The following COL13A1 variants were observed in gnomAD, a reference collection of about 807,000 sequenced individuals.
COL13A1 encodes collagen type XIII alpha 1 chain, also known as collagen alpha-1(XIII) chain.
In COL13A1, 89 loss-of-function variants were observed where a neutral mutation model predicts 130.9. The ratio of observed to expected loss-of-function variants is 0.68; its 90% CI spans 0.57 to 0.81. The LOEUF (loss-of-function observed/expected upper bound fraction) is 0.81. Among genes scored for constraint, COL13A1 ranks in the 30% least tolerant of loss-of-function variants. COL13A1 has a pLI of 0.00. For synonymous variants in COL13A1, 402 were observed against 341.6 expected (o/e 1.18, Z -1.95); for missense variants, 879 against 934.6 (o/e 0.94, Z 0.78).
chr10:69,849,349 T>TG (rs1271870204), intron 2 of COL13A1, among the ~76,000 whole-genome samples: 4 of 142,656 alleles, frequency 2.8e-5, no homozygotes, highest in Non-Finnish European at 6.2e-5. Flanking sequence ...GGAGCGGGGG[T>TG]GGGGGGCGCT....
chr10:69,901,231 C>T (rs1466588289), intron 14 of COL13A1, among the ~76,000 whole-genome samples: 2 of 152,194 alleles, frequency 1.3e-5, no homozygotes. Flanking sequence ...GATTTCAACA[C>T]CTGCTCCTCT....
intron 2 of COL13A1, among the ~76,000 whole-genome samples, chr10:69,852,887 C>T (rs1855317786): frequency 6.6e-6 from 1 of 152,236 alleles, no homozygotes; most frequent in South Asian, 2.1e-4. Context: ...TGCGGCTTTC[C>T]CAGTGCCTTG....
rs60054259 is a variant in COL13A1 at position 69,904,905 on chromosome 10, CTTTTTTTT to C, written c.859-18_859-11del. On this transcript the variant is annotated intron_variant, in intron 15 of 40. Coordinates refer to ENST00000645393, the MANE Select transcript of COL13A1 (RefSeq NM_001368882.1). ...CAGCTCTACTCACCTTTTCTTTTTT[CTTTTTTTT>C]TTTTTTTTTGCTTCCACAGGGCTTA... is the stretch of plus-strand genomic sequence containing the variant. 5.4e-6 allele frequency: 8 copies of C among 1,474,940 alleles called. No individual in the cohort carries two copies. The highest frequency in any genetic ancestry group is 2.1e-4 in the Middle Eastern group (1 of 4,782). The allele number at this position is 1,474,940 out of a possible 1,614,324, so 91.4% of individuals were successfully genotyped here.
rs762280884 is a variant in COL13A1 at position 69,902,796 on chromosome 10, C to G, written c.799C>G (p.Pro267Ala). 61 of 1,553,092 alleles carry G rather than the reference C, an allele frequency of 3.9e-5. No homozygotes were observed. In the South Asian group the frequency reaches 7.2e-4, roughly 18 times the overall value. ...CCAAGGTCCACCAGGGCCCCCAGGC[C>G]CCCCTGGACCAAGTGGACCTCTGGG... is the stretch of plus-strand genomic sequence containing the variant. Reference protein sequence around the residue: ...SIQGPPGPPGPPGPSGPLGHP... With the variant: ...SIQGPPGPPGAPGPSGPLGHP... Residue 267 changes from proline (P) to alanine (A), a missense_variant, in exon 15 of 41, where the codon CCC (proline) becomes GCC (alanine). Physicochemically the swap from Pro to Ala is conservative, Grantham distance 27 (BLOSUM62 -1). Transcript: ENST00000645393.
At chr10:69,899,825 G>A (rs990670299) in intron 14 of COL13A1, among the ~76,000 whole-genome samples, 2 of 152,142 alleles carry the variant, frequency 1.3e-5, no homozygotes, top group Non-Finnish European at 2.9e-5. Flanking sequence ...GCACAGGGAC[G>A]CTAGCAGTGG....
At chr10:69,923,118 G>A (rs1035070589) in intron 23 of COL13A1, among the ~76,000 whole-genome samples, 2 of 152,188 alleles carry the variant, frequency 1.3e-5, no homozygotes, top group African/African-American at 4.8e-5. Context: ...GTCAAGGATT[G>A]ATGGCTGCAG....
chr10:69,917,184 G>A, intron 17 of COL13A1, 105 bp from the exon 18 acceptor site: 1 of 1,420,614 alleles, frequency 7.0e-7, no homozygotes, highest in South Asian at 1.3e-5. Context: ...ACATGAACCG[G>A]ACAGCCATCC....
chr10:69,914,564 A>G (rs986223556), intron 17 of COL13A1, among the ~76,000 whole-genome samples: 1 of 152,164 alleles, frequency 6.6e-6, no homozygotes. Context: ...CATTGAGGGA[A>G]AGCAAGAGAA....
At chr10:69,856,758 G>C (rs977001746) in intron 2 of COL13A1, among the ~76,000 whole-genome samples, 1 of 152,208 alleles carries the variant, frequency 6.6e-6, no homozygotes, top group Non-Finnish European at 1.5e-5. Context: ...GGCCCAAGGT[G>C]AGGGGCTGGG....
At chr10:69,903,505 C>T (rs1004608512) in intron 15 of COL13A1, among the ~76,000 whole-genome samples, 7 of 152,246 alleles carry the variant, frequency 4.6e-5, no homozygotes, top group African/African-American at 1.7e-4. Flanking sequence ...GCTAAGACTC[C>T]ACTCTTTCCC....
rs1167813855 is a variant in COL13A1, at chr10:69,932,619, A to G, written c.1728+15A>G. On this transcript the variant is annotated intron_variant, in intron 31 of 40. Coordinates refer to ENST00000645393, the MANE Select transcript of COL13A1 (RefSeq NM_001368882.1). ...CAGGAGCAGAGGTACATGAGAGATAATTTGACAGAGACTCATCAAGCGACA... is the reference window on the plus strand; with the variant it reads ...CAGGAGCAGAGGTACATGAGAGATAGTTTGACAGAGACTCATCAAGCGACA... 6.3e-7 allele frequency: 1 copy of G among 1,578,264 alleles called. No homozygotes were observed. Among genetic ancestry groups the G allele is most frequent in the South Asian group, 1.1e-5 (1 of 89,976 alleles).
intron 2 of COL13A1, among the ~76,000 whole-genome samples, chr10:69,855,155 G>A (rs949591458): frequency 6.6e-6 from 1 of 152,216 alleles, no homozygotes. Context: ...AATAGACACA[G>A]TGCCCAGTCT....
intron 6 of COL13A1, chr10:69,879,438 C>T (rs2059919830): frequency 6.6e-6 from 1 of 152,224 alleles, no homozygotes; most frequent in Admixed American, 6.5e-5. Flanking sequence ...AAGTCGCTTG[C>T]CCAAGGTCAC....
At chr10:69,875,202 C>T in intron 5 of COL13A1, 39 bp downstream of exon 5, 3 of 1,613,296 alleles carry the variant, frequency 1.9e-6, no homozygotes. Flanking sequence ...GTGGCCATTG[C>T]TTGCTTCTCC....
At chr10:69,888,358 T>C (rs1026125809) in intron 9 of COL13A1, 28 bp downstream of exon 9, 33 of 1,609,478 alleles carry the variant, frequency 2.1e-5, no homozygotes, top group Non-Finnish European at 2.6e-5. Context: ...CTCCCCTCAC[T>C]GCAGGTCAGT....
chr10:69,951,596 C>T (rs1056319071), intron 38 of COL13A1, among the ~76,000 whole-genome samples: 6 of 152,234 alleles, frequency 3.9e-5, no homozygotes, highest in African/African-American at 1.2e-4. Flanking sequence ...AACTCCTGGC[C>T]TCAAGTGACC....
At chr10:69,925,505 G>A (rs1479329045) in intron 25 of COL13A1, among the ~76,000 whole-genome samples, 1 of 152,208 alleles carries the variant, frequency 6.6e-6, no homozygotes, top group Non-Finnish European at 1.5e-5. Context: ...GGGTCTTGAC[G>A]AGGCAGGAGG....
rs755527630 is a variant in COL13A1, at chr10:69,952,846, T to C, written c.2059-36T>C. 4 of 1,399,130 alleles carry C rather than the reference T, an allele frequency of 2.9e-6. No homozygotes were observed. In the East Asian group the frequency reaches 1.0e-4, roughly 35 times the overall value. 86.7% of individuals were successfully genotyped at this position (1,399,130 alleles called of 1,614,324 possible). A position where few individuals can be genotyped will look rare whatever the true frequency, so the allele number is the denominator to read the frequency against. ...TAACACATGAATGATCTTAAAGTTTTGATGTTTTTTTCTCGGACTAAACCA... is the reference window on the plus strand; with the variant it reads ...TAACACATGAATGATCTTAAAGTTTCGATGTTTTTTTCTCGGACTAAACCA... On this transcript the variant is annotated intron_variant, in intron 38 of 40. Transcript: ENST00000645393.
chr10:69,889,212 G>A (rs1374138036), intron 9 of COL13A1, among the ~76,000 whole-genome samples: 2 of 152,240 alleles, frequency 1.3e-5, no homozygotes, highest in Non-Finnish European at 1.5e-5. Flanking sequence ...GAGGCCCAGC[G>A]AGGGGCAGTG....
Sources: allele counts gnomAD v4.1 joint callset (sites outside exome capture counted in the v4.1 genomes callset), GRCh38; gene constraint gnomAD v4.1.1; transcripts MANE v1.5; gene names NCBI Gene and HGNC (gene_info 2026-07-23, HGNC 2026-07-21).